ADAM9: variants seen among roughly 807,000 people sequenced by gnomAD.
ADAM9 encodes ADAM metallopeptidase domain 9.
ADAM9 carries 54 observed loss-of-function variants against 108.1 expected under a neutral mutation model. The ratio of observed to expected loss-of-function variants is 0.50; its 90% CI spans 0.40 to 0.63. The LOEUF is 0.63. Among genes scored for constraint, ADAM9 ranks in the 20% least tolerant of loss-of-function variants. The pLI is 0.00. For missense variants in ADAM9, 830 were observed against 997.7 expected (o/e 0.83, Z 2.26); for synonymous variants, 316 against 336.0 (o/e 0.94, Z 0.65).
rs1214628633 is a variant in ADAM9, at chr8:39,104,898, G to A, written c.*1198G>A. ...CTTTCATAATAAAGTTTAATAATAG[G>A]TTTATTAACTGAATTTCATTAGTTT... On this transcript the variant is annotated 3_prime_UTR_variant, in exon 22 of 22. Transcript: ENST00000487273. 1.6e-5 allele frequency: 7 copies of A among 433,498 alleles called. No homozygotes were observed. The allele number at this position is 433,498 out of a possible 1,614,324, so 26.9% of individuals were successfully genotyped here.
intron 3 of ADAM9, among the ~76,000 whole-genome samples, 176 bp from the exon 4 acceptor site, chr8:39,013,789 A>G (rs1836434926): frequency 6.6e-6 from 1 of 152,166 alleles, no homozygotes; most frequent in Admixed American, 6.5e-5. Context: ...AGTGTGAGCC[A>G]CTGCACCCAG....
chr8:39,097,635 A>T (rs1839552830), intron 20 of ADAM9, among the ~76,000 whole-genome samples: 1 of 152,030 alleles, frequency 6.6e-6, no homozygotes, highest in Non-Finnish European at 1.5e-5. Context: ...CTTTTTTTTA[A>T]AAAAATTCTA....
intron 16 of ADAM9, among the ~76,000 whole-genome samples, chr8:39,080,248 C>T (rs1334702114): frequency 6.6e-6 from 1 of 151,982 alleles, no homozygotes; most frequent in Admixed American, 6.6e-5. Context: ...CTGATTGTTG[C>T]AGTGTAAGCT....
chr8:39,019,085 A>C (rs1836648190), intron 7 of ADAM9, among the ~76,000 whole-genome samples, 167 bp downstream of exon 7: 1 of 152,250 alleles, frequency 6.6e-6, no homozygotes, highest in Non-Finnish European at 1.5e-5. Flanking sequence ...CAGAATACCA[A>C]CAGAAGCTAA....
intron 12 of ADAM9, among the ~76,000 whole-genome samples, chr8:39,045,387 T>TGTGTCTACACACACCTATATGTAC (rs1564301265): frequency 0.031 from 1,450 of 46,688 alleles, 248 homozygotes; most frequent in Middle Eastern, 0.053. Context: ...CACCTATAGG[T>TGTGTCTACACACACCTATATGTAC]GTGTGTACAC....
chr8:38,998,144 T>C (rs191030435), intron 1 of ADAM9, among the ~76,000 whole-genome samples: 1 of 152,400 alleles, frequency 6.6e-6, no homozygotes, highest in East Asian at 1.9e-4. Context: ...AAGGTGATGA[T>C]AGAAGATTTC....
chr8:39,028,981 A>C (rs1245790372), intron 11 of ADAM9, among the ~76,000 whole-genome samples: 1 of 152,316 alleles, frequency 6.6e-6, no homozygotes, highest in South Asian at 2.1e-4. Flanking sequence ...GCAGACTTAC[A>C]GTATACTTAA....
Position 39,104,771 on chromosome 8 carries a change from G to T in ADAM9, c.*1071G>T, listed in dbSNP as rs971287828. 2.2e-6 allele frequency: 1 copy of T among 453,610 alleles called. No individual in the cohort carries two copies. Among genetic ancestry groups the T allele is most frequent in the African/African-American group, 2.0e-5 (1 of 49,942 alleles). 28.1% of individuals were successfully genotyped at this position (453,610 alleles called of 1,614,324 possible). A position where few individuals can be genotyped will look rare whatever the true frequency, so the allele number is the denominator to read the frequency against. ...AAATACCTACAAAAAAGTTACTGTGGTATCTATGAGTTATCATCTTAGCTG... is the reference window on the plus strand; with the variant it reads ...AAATACCTACAAAAAAGTTACTGTGTTATCTATGAGTTATCATCTTAGCTG... On this transcript the variant is annotated 3_prime_UTR_variant, in exon 22 of 22. Transcript: ENST00000487273.
intron 11 of ADAM9, among the ~76,000 whole-genome samples, chr8:39,029,113 C>CAAA (rs1490834363): frequency 1.4e-5 from 2 of 140,672 alleles, no homozygotes; most frequent in East Asian, 4.2e-4. Flanking sequence ...AGGGAAGAGC[C>CAAA]AAAAAAGTGT....
At position 39,011,680 on chromosome 8, in the gene ADAM9, AAGG is replaced by A; in HGVS notation, c.220_222del (p.Gly74del). 1 of 1,611,860 alleles carries A rather than the reference AAGG, an allele frequency of 6.2e-7. No homozygotes were observed. The highest frequency in any genetic ancestry group is 1.7e-5 in the Admixed American group (1 of 60,014). ...TAGGTATCTTATGTTATTCAGGCTG[AAGG>A]AAAAGAGCATATTATTCACTTGGAA... On this transcript the variant is annotated inframe_deletion, in exon 3 of 22. Coordinates refer to ENST00000487273, the MANE Select transcript of ADAM9 (RefSeq NM_003816.3).
intron 14 of ADAM9, among the ~76,000 whole-genome samples, chr8:39,068,135 A>G (rs1401422666): frequency 6.6e-6 from 1 of 151,976 alleles, no homozygotes; most frequent in East Asian, 1.9e-4. Flanking sequence ...TTGAGTTTCC[A>G]TCTTTCACAT....
chr8:39,037,450 G>A (rs1208062220), intron 11 of ADAM9, among the ~76,000 whole-genome samples: 1 of 129,610 alleles, frequency 7.7e-6, no homozygotes, highest in East Asian at 2.1e-4. Context: ...AAGTGTGTGT[G>A]TGTGTGTGTT....
At chr8:39,005,124 C>G (rs138266165) in intron 1 of ADAM9, among the ~76,000 whole-genome samples, 84 of 152,238 alleles carry the variant, frequency 5.5e-4, no homozygotes, top group African/African-American at 2.0e-3. Context: ...GAACCTTAAT[C>G]CTAAAGATTG....
chr8:39,038,228 T>C (rs1258270497), intron 11 of ADAM9, among the ~76,000 whole-genome samples: 1 of 152,202 alleles, frequency 6.6e-6, no homozygotes, highest in East Asian at 1.9e-4. Context: ...TTTCATGGTC[T>C]TCCCCTTCCA....
intron 5 of ADAM9, 31 bp downstream of exon 5, chr8:39,016,225 T>G (rs752196779): frequency 4.7e-5 from 73 of 1,564,942 alleles, no homozygotes; most frequent in Non-Finnish European, 6.2e-5. Context: ...TCTTTTTTTT[T>G]GTTTCCCCTA....
Position 38,996,990 on chromosome 8 carries a change from A to C in ADAM9, c.-74A>C. On this transcript the variant is annotated 5_prime_UTR_variant, in exon 1 of 22. Coordinates refer to ENST00000487273, the MANE Select transcript of ADAM9 (RefSeq NM_003816.3). ...TCCCGGCCAGACTTGGGGCCCCGGC[A>C]GGGTTGGAAAATGATGGAAGAGGCG... The C allele has an allele frequency of 1.9e-6, 3 of 1,549,676 alleles. No individual in the cohort carries two copies. The highest frequency in any genetic ancestry group is 2.6e-6 in the Non-Finnish European group (3 of 1,150,522).
At chr8:39,009,964 A>AC (rs550382857) in intron 2 of ADAM9, among the ~76,000 whole-genome samples, 6,760 of 106,454 alleles carry the variant, frequency 0.064, 271 homozygotes, top group Non-Finnish European at 0.072. Flanking sequence ...ACAAAAACAA[A>AC]CCCCCCCCCC....
chr8:39,037,149 C>T (rs1313582450), intron 11 of ADAM9, among the ~76,000 whole-genome samples: 11 of 143,196 alleles, frequency 7.7e-5, no homozygotes, highest in African/African-American at 2.8e-4. Context: ...CTCTGCCTCC[C>T]GGGTTCACGC....
intron 1 of ADAM9, among the ~76,000 whole-genome samples, chr8:39,002,033 TAAAAAAA>T (rs35778686): frequency 1.0e-4 from 11 of 108,624 alleles, no homozygotes; most frequent in Non-Finnish European, 2.1e-4. Context: ...CTAGAATGAT[TAAAAAAA>T]AAAAAAAAAA....
Sources: allele counts gnomAD v4.1 joint callset (sites outside exome capture counted in the v4.1 genomes callset), GRCh38; gene constraint gnomAD v4.1.1; transcripts MANE v1.5; gene names NCBI Gene and HGNC (gene_info 2026-07-23, HGNC 2026-07-21).